TLR8: variants seen among roughly 807,000 people sequenced by gnomAD.
TLR8 encodes the protein toll like receptor 8.
Under a neutral mutation model 18.5 loss-of-function variants are expected in TLR8, and 5 were observed. The observed-to-expected ratio is 0.27, with a 90% confidence interval of 0.14 to 0.57. TLR8 has a LOEUF of 0.57. TLR8 is among the 20% of genes least tolerant of loss of function. The pLI is 0.92. For missense variants in TLR8, 543 were observed against 769.8 expected (o/e 0.71, Z 3.49); for synonymous variants, 299 against 300.1 (o/e 1.00, Z 0.04).
Position 12,920,220 on chromosome X carries a change from C to A in TLR8, c.1180C>A (p.Pro394Thr). 8.3e-7 allele frequency: 1 copy of A among 1,208,232 alleles called. No individual in the cohort carries two copies. Among genetic ancestry groups the A allele is most frequent in the South Asian group, 1.8e-5 (1 of 56,208 alleles). The change falls in exon 2 of 2, where the codon CCA becomes ACA. Residue 394 changes from proline (P) to threonine (T), a missense_variant. Pro to Thr is a conservative substitution (Grantham distance 38). This residue lies in a region of TLR8 where 185 missense variants were observed against 298.9 expected (regional missense o/e 0.62). Coordinates refer to ENST00000218032, the MANE Select transcript of TLR8 (RefSeq NM_138636.5). ...EDDFQPLMQL[P>T]NLSTINLGIN... ...TGATTTCCAGCCCCTGATGCAGCTT[C>A]CAAACTTATCGACTATCAACTTGGG...
chrX:12,911,022 C>A (rs934314895), intron 1 of TLR8, among the ~76,000 whole-genome samples: 22 of 109,394 alleles, frequency 2.0e-4, no homozygotes, highest in African/African-American at 7.4e-4. Context: ...TGCTCTAAGA[C>A]AACCCCAGTG....
chrX:12,914,689 C>T (rs753832518), intron 1 of TLR8, among the ~76,000 whole-genome samples: 1 of 111,066 alleles, frequency 9.0e-6, no homozygotes. Flanking sequence ...ATCTCTTGAA[C>T]GCGTTCTTTT....
rs1363261982 is a variant in TLR8, at chrX:12,919,169, C to CCT, written c.129_130insCT (p.Ser44LeufsTer23). On this transcript the variant is annotated frameshift_variant, in exon 2 of 2. Coordinates refer to ENST00000218032, the MANE Select transcript of TLR8 (RefSeq NM_138636.5). LOFTEE classifies it low-confidence loss of function (END_TRUNC). ...CTTGTGATGAGAAAAAGCAAAATGA[C>CCT]TCAGTTATTGCAGAGTGCAGCAATC... 1.7e-6 allele frequency: 2 copies of CCT among 1,210,378 alleles called. No individual in the cohort carries two copies. The highest frequency in any genetic ancestry group is 3.5e-5 in the African/African-American group (2 of 57,237).
rs2043087677 is a variant in TLR8, at chrX:12,920,626, T to C, written c.1586T>C (p.Ile529Thr). The C allele has an allele frequency of 8.3e-7, 1 of 1,211,462 alleles. No individual in the cohort carries two copies. Among genetic ancestry groups the C allele is most frequent in the African/African-American group, 1.7e-5 (1 of 57,931 alleles). ...TTAAGTGGAACTGAATTTTCAGCCA[T>C]TCCTCATGTCAAATATTTGGATTTG... The part of the protein sequence containing the change: ...QVLSGTEFSA[I>T]PHVKYLDLTN... The change falls in exon 2 of 2, where the codon ATT (isoleucine) becomes ACT (threonine). Residue 529 changes from isoleucine (I) to threonine (T), a missense_variant. Transcript: ENST00000218032.
chrX:12,919,290 C>T lies in TLR8; in HGVS notation c.250C>T (p.Gln84Ter). ...CACACACATAACGAATGAATCATTT[C>T]AAGGGCTGCAAAATCTCACTAAAAT... ...FITHITNESF[Q>*]GLQNLTKINL... The change falls in exon 2 of 2, where the codon CAA (glutamine) becomes TAA (stop). Residue 84 changes from glutamine (Q) to a stop codon, truncating the protein, a stop_gained. Transcript: ENST00000218032. LOFTEE classifies it low-confidence loss of function (END_TRUNC). 8.3e-7 allele frequency: 1 copy of T among 1,211,874 alleles called. No homozygotes were observed. The highest frequency in any genetic ancestry group is 1.1e-6 in the Non-Finnish European group (1 of 895,530).
At position 12,921,579 on chromosome X, in the gene TLR8, C is replaced by T. The variant is rs1383365707; in HGVS notation, c.2539C>T (p.Leu847=). 2 of 1,210,140 alleles carry T rather than the reference C, an allele frequency of 1.7e-6. No individual in the cohort carries two copies. The highest frequency in any genetic ancestry group is 2.2e-6 in the Non-Finnish European group (2 of 895,204). ...CACCACCATGGTTATGTTGGCTGCC[C>T]TGGCTCACCATTTGTTTTACTGGGA... is the stretch of plus-strand genomic sequence containing the variant. The part of the protein sequence containing the change: ...FITTMVMLAA[L]AHHLFYWDVW... Residue 847 remains leucine, a synonymous_variant, in exon 2 of 2, where the codon CTG becomes TTG. Transcript: ENST00000218032.
chrX:12,919,017 T>C (rs1163723506), intron 1 of TLR8, 27 bp from the exon 2 acceptor site: 37 of 1,181,691 alleles, frequency 3.1e-5, no homozygotes, highest in Non-Finnish European at 3.6e-5. Context: ...ACTCTAATAC[T>C]GTGCTTCCAC....
chrX:12,922,229 G>C lies in TLR8; in HGVS notation c.*63G>C. 1 of 1,112,898 alleles carries C rather than the reference G, an allele frequency of 9.0e-7. No individual in the cohort carries two copies. Among genetic ancestry groups the C allele is most frequent in the Non-Finnish European group, 1.2e-6 (1 of 838,455 alleles). 91.7% of individuals were successfully genotyped at this position (1,112,898 alleles called of 1,213,427 possible). On this transcript the variant is annotated 3_prime_UTR_variant, in exon 2 of 2. Coordinates refer to ENST00000218032, the MANE Select transcript of TLR8 (RefSeq NM_138636.5). ...GCAAAGGAATGACATTTCTGTATTA[G>C]TTATCTATTGCTATGTAACAAATTA...
chrX:12,910,078 A>T (rs147591712), intron 1 of TLR8, among the ~76,000 whole-genome samples: 1 of 112,268 alleles, frequency 8.9e-6, no homozygotes, highest in Non-Finnish European at 1.9e-5. Context: ...TCTATTATTA[A>T]TTGTAAATTT....
At chrX:12,912,829 G>C (rs1168207174) in intron 1 of TLR8, among the ~76,000 whole-genome samples, 1 of 112,378 alleles carries the variant, frequency 8.9e-6, no homozygotes, top group Non-Finnish European at 1.9e-5. Flanking sequence ...AAAGAACAGA[G>C]CAGAGCTCAA....
intron 1 of TLR8, 114 bp downstream of exon 1, chrX:12,906,823 T>G (rs2042988074): frequency 1.5e-6 from 1 of 648,927 alleles, no homozygotes; most frequent in African/African-American, 2.3e-5. Context: ...AATGGGCAAA[T>G]AAGGATAAAA....
chrX:12,914,421 G>A (rs1265402826), intron 1 of TLR8, among the ~76,000 whole-genome samples: 1 of 111,319 alleles, frequency 9.0e-6, no homozygotes, highest in African/African-American at 3.3e-5. Flanking sequence ...ACTCTCTTCT[G>A]AGCTTCAGAC....
At position 12,922,311 on chromosome X, in the gene TLR8, C is replaced by G; in HGVS notation, c.*145C>G. ...TTGCTGGCCCACAGTTTTTGAGGGT[C>G]AGGAGTCCAGGCCCAGCATAACTGG... On this transcript the variant is annotated 3_prime_UTR_variant, in exon 2 of 2. Coordinates refer to ENST00000218032, the MANE Select transcript of TLR8 (RefSeq NM_138636.5). 1.3e-6 allele frequency: 1 copy of G among 746,334 alleles called. No homozygotes were observed. The allele number at this position is 746,334 out of a possible 1,213,427, so 61.5% of individuals were successfully genotyped here. A position where few individuals can be genotyped will look rare whatever the true frequency, so the allele number is the denominator to read the frequency against.
Position 12,921,038 on chromosome X carries a change from C to T in TLR8, c.1998C>T (p.Leu666=). 8.3e-7 allele frequency: 1 copy of T among 1,210,904 alleles called. No homozygotes were observed. Among genetic ancestry groups the T allele is most frequent in the African/African-American group, 1.7e-5 (1 of 57,807 alleles). ...CATTCCTTAATTTGCCAGCGAGTCT[C>T]ACTGAACTACATATAAATGATAATA... is the stretch of plus-strand genomic sequence containing the variant. ...NEAFLNLPAS[L]TELHINDNML... is the part of the protein sequence containing the mutation. Residue 666 remains leucine, a synonymous_variant, in exon 2 of 2, where the codon CTC becomes CTT. Coordinates refer to ENST00000218032, the MANE Select transcript of TLR8 (RefSeq NM_138636.5).
At chrX:12,918,284 T>C (rs5744074) in intron 1 of TLR8, among the ~76,000 whole-genome samples, 3,266 of 111,622 alleles carry the variant, frequency 0.029, 141 homozygotes, top group African/African-American at 0.1. Context: ...GCCTAGAAGA[T>C]CTAGGATGAT....
At chrX:12,918,958 A>G in intron 1 of TLR8, 86 bp from the exon 2 acceptor site, 7 of 979,011 alleles carry the variant, frequency 7.2e-6, no homozygotes, top group Non-Finnish European at 9.7e-6. Context: ...TCATACAAGT[A>G]TGGGGCAGCG....
In TLR8 at chrX:12,918,961, G is replaced by A. The variant is rs1412387757; in HGVS notation, c.4-83G>A. 5 of 1,002,693 alleles carry A rather than the reference G, an allele frequency of 5.0e-6. No homozygotes were observed. In the African/African-American group the frequency reaches 9.7e-5, roughly 19 times the overall value. The allele number at this position is 1,002,693 out of a possible 1,213,427, so 82.6% of individuals were successfully genotyped here. On this transcript the variant is annotated intron_variant, in intron 1 of 1. Transcript: ENST00000218032. ...ACACATCAAAATTCATACAAGTATGGGGCAGCGCTGCTAATTTATTTACAA... is the reference window on the plus strand; with the variant it reads ...ACACATCAAAATTCATACAAGTATGAGGCAGCGCTGCTAATTTATTTACAA...
chrX:12,919,736 C>G lies in TLR8; in HGVS notation c.696C>G (p.Thr232=). 8.3e-7 allele frequency: 1 copy of G among 1,210,697 alleles called. No homozygotes were observed. Among genetic ancestry groups the G allele is most frequent in the South Asian group, 1.8e-5 (1 of 56,762 alleles). The change falls in exon 2 of 2, where the codon ACC becomes ACG. Residue 232 remains threonine, a synonymous_variant. Transcript: ENST00000218032. ...SSLRKLFLSN[T]QIKYISEEDF... ...TACGCAAACTTTTTCTGAGCAACAC[C>G]CAGATCAAATACATTAGTGAAGAAG...
intron 1 of TLR8, among the ~76,000 whole-genome samples, chrX:12,918,526 T>C (rs1224935312): frequency 9.0e-6 from 1 of 111,288 alleles, no homozygotes; most frequent in Non-Finnish European, 1.9e-5. Context: ...AGCTTCATCT[T>C]CAACTTCCTT....
Sources: gnomAD v4.1 joint callset for allele counts (sites outside exome capture counted in the v4.1 genomes callset) on GRCh38, gnomAD v4.1.1 for gene constraint, gnomAD v4.1.1 regional missense constraint, MANE v1.5 for transcripts, NCBI Gene and HGNC (gene_info 2026-07-23, HGNC 2026-07-21) for gene names.